Variants in GGTA1 observed in about 807,000 individuals in gnomAD.
The protein encoded by GGTA1 is inactive N-acetyllactosaminide alpha-1,3-galactosyltransferase.
A neutral mutation model predicts 2.6 loss-of-function variants in GGTA1; 5 were observed. The observed-to-expected ratio is 1.92, with a 90% CI of 1.00 to 4.04. GGTA1 has a LOEUF of 4.04. Among genes scored for constraint, GGTA1 ranks in the 30% most tolerant of loss-of-function variants. The pLI is 0.00. For missense variants in GGTA1, 50 were observed against 16.7 expected (o/e 2.99, Z -3.47); for synonymous variants, 17 against 5.0 (o/e 3.38, Z -3.19).
At chr9:121,474,954 G>A (rs937105562) in intron 1 of GGTA1, among the ~76,000 whole-genome samples, 2 of 152,196 alleles carry the variant, frequency 1.3e-5, no homozygotes, top group Non-Finnish European at 2.9e-5. Flanking sequence ...ACTGGCACAG[G>A]CCCTGGCTCC....
rs1446690036 is a variant in GGTA1 at position 121,476,288 on chromosome 9, C to A, written c.-9-8357G>T. The stretch of plus-strand genomic sequence containing the variant: ...AACACGGCTCTGACCAGACCAGCTG[C>A]ACCTCCATTTGCACCCCACCCCACC... On this transcript the variant is annotated intron_variant, in intron 1 of 5. Coordinates refer to ENST00000481799, the MANE Select transcript of GGTA1 (RefSeq NM_001382585.1). The surrounding 1 kb of genome is among the most constrained non-coding windows in gnomAD (Gnocchi z 4.6). 2.0e-5 allele frequency among the ~76,000 whole-genome samples: 3 copies of A among 152,280 alleles called. No individual in the cohort carries two copies. The highest frequency in any genetic ancestry group is 4.4e-5 in the Non-Finnish European group (3 of 68,016).
Position 121,460,151 on chromosome 9 carries a change from C to T in GGTA1, c.251G>A (p.Arg84Lys), listed in dbSNP as rs754707561. Residue 84 changes from arginine to lysine, a missense_variant, in exon 5 of 6, where the codon AGG becomes AAG. By Grantham distance (26) the Arg-to-Lys change is conservative. Transcript: ENST00000481799. ...GCCGAAGCTCTGTTGTGTCATTTTC[C>T]TTCCTTTGGTCTCCTCTCTTCCTTT... is the stretch of plus-strand genomic sequence containing the variant. ...KEKGREETKG[R>K]KMTQQSFGYG... 20 of 456,832 alleles carry T rather than the reference C, an allele frequency of 4.4e-5. No individual in the cohort carries two copies. Among genetic ancestry groups the T allele is most frequent in the Non-Finnish European group, 8.4e-5 (19 of 227,030 alleles). The allele number at this position is 456,832 out of a possible 1,614,324, so 28.3% of individuals were successfully genotyped here. A position where few individuals can be genotyped will look rare whatever the true frequency, so the allele number is the denominator to read the frequency against.
At chr9:121,464,991 A>AAAAAG (rs2064992853) in intron 2 of GGTA1, among the ~76,000 whole-genome samples, 1 of 142,302 alleles carries the variant, frequency 7.0e-6, no homozygotes, top group Non-Finnish European at 1.6e-5. Context: ...AAAGTGGCAA[A>AAAAAG]AAAACAAAAC....
intron 1 of GGTA1, chr9:121,479,206 A>G (rs1273839389): frequency 2.3e-6 from 1 of 432,172 alleles, no homozygotes; most frequent in Non-Finnish European, 4.6e-6. Context: ...GAAGCAAATC[A>G]TTTCACCATC....
chr9:121,480,188 T>C (rs1828612008), intron 1 of GGTA1, among the ~76,000 whole-genome samples: 1 of 151,894 alleles, frequency 6.6e-6, no homozygotes, highest in African/African-American at 2.4e-5. Flanking sequence ...CCCGAGTAGC[T>C]GGGACTACAG....
At chr9:121,460,312 G>A (rs2064949862) in intron 4 of GGTA1, 93 bp from the exon 5 acceptor site, 2 of 440,524 alleles carry the variant, frequency 4.5e-6, no homozygotes, top group Admixed American at 4.9e-5. Flanking sequence ...TGTGTTCCAA[G>A]GCAGATTATG....
rs910451429 is a variant in GGTA1 at position 121,455,343 on chromosome 9, T to C, written c.*494A>G. 6.6e-6 allele frequency: 1 copy of C among 152,304 alleles called. No homozygotes were observed. Among genetic ancestry groups the C allele is most frequent in the African/African-American group, 2.4e-5 (1 of 41,472 alleles). The allele number at this position is 152,304 out of a possible 1,614,324, so 9.4% of individuals were successfully genotyped here. On this transcript the variant is annotated 3_prime_UTR_variant, in exon 6 of 6. Coordinates refer to ENST00000481799, the MANE Select transcript of GGTA1 (RefSeq NM_001382585.1). The stretch of plus-strand genomic sequence containing the variant: ...TTTTAGTAGCTCTAACATAGCCCAC[T>C]AGCTAAGTCTTGTAAATGTGTATAA...
rs2064909607 is a variant in GGTA1 at position 121,456,158 on chromosome 9, C to G, written c.299-317G>C. 2.0e-5 allele frequency among the ~76,000 whole-genome samples: 3 copies of G among 152,044 alleles called. No individual in the cohort carries two copies. The South Asian group carries it at 6.2e-4, about 32-fold the overall frequency. ...AGCTAGTCTTTGATAATGTCAACTGCCAGAGAAGTCCAAGATCACAAAGAT... is the reference window on the plus strand; with the variant it reads ...AGCTAGTCTTTGATAATGTCAACTGGCAGAGAAGTCCAAGATCACAAAGAT... On this transcript the variant is annotated intron_variant, in intron 5 of 5. Transcript: ENST00000481799.
intron 3 of GGTA1, among the ~76,000 whole-genome samples, chr9:121,461,693 A>G (rs527857798): frequency 6.6e-6 from 1 of 152,356 alleles, no homozygotes; most frequent in East Asian, 1.9e-4. Flanking sequence ...TCCTCCAAAA[A>G]GTATAGTTAA....
At chr9:121,477,133 C>T (rs537810496) in intron 1 of GGTA1, among the ~76,000 whole-genome samples, 10 of 152,346 alleles carry the variant, frequency 6.6e-5, no homozygotes, top group African/African-American at 9.6e-5. Context: ...TAGCAAGGAT[C>T]CAGGGCTGAG....
intron 1 of GGTA1, among the ~76,000 whole-genome samples, chr9:121,498,186 TC>T (rs1424632086): frequency 6.6e-6 from 1 of 152,174 alleles, no homozygotes; most frequent in East Asian, 1.9e-4. Flanking sequence ...TAGGTTCCCC[TC>T]CCCTACCATG....
chr9:121,481,164 A>C (rs1284970110), intron 1 of GGTA1, among the ~76,000 whole-genome samples: 2 of 151,574 alleles, frequency 1.3e-5, no homozygotes, highest in Admixed American at 1.3e-4. Context: ...AAAAAAAAAA[A>C]AAAAAAAAAA....
chr9:121,478,623 G>GT (rs532582445), intron 1 of GGTA1, among the ~76,000 whole-genome samples: 80 of 152,264 alleles, frequency 5.3e-4, no homozygotes, highest in African/African-American at 1.8e-3. Context: ...TGCATGGAAG[G>GT]TTGTCTCCAG....
chr9:121,474,640 A>G (rs1400714854), intron 1 of GGTA1, among the ~76,000 whole-genome samples: 3 of 152,150 alleles, frequency 2.0e-5, no homozygotes, highest in Non-Finnish European at 4.4e-5. Flanking sequence ...GGCGAAGTCA[A>G]GGTAATTCGT....
At position 121,455,268 on chromosome 9, in the gene GGTA1, T is replaced by G. The variant is rs1422625925; in HGVS notation, c.*569A>C. ...ACCATTTCTGAACTTAAAACTCTCT[T>G]GTTCGTTACACCTCATTCATTGCAT... On this transcript the variant is annotated 3_prime_UTR_variant, in exon 6 of 6. Transcript: ENST00000481799. The G allele has an allele frequency of 6.6e-6, 1 of 152,254 alleles. No individual in the cohort carries two copies. The highest frequency in any genetic ancestry group is 2.4e-5 in the African/African-American group (1 of 41,468). 9.4% of individuals were successfully genotyped at this position (152,254 alleles called of 1,614,324 possible). A position where few individuals can be genotyped will look rare whatever the true frequency, so the allele number is the denominator to read the frequency against.
At chr9:121,482,274 T>C (rs972466174) in intron 1 of GGTA1, among the ~76,000 whole-genome samples, 24 of 149,926 alleles carry the variant, frequency 1.6e-4, no homozygotes, top group African/African-American at 5.9e-4. Flanking sequence ...TGGAGACCAG[T>C]CTAGGCAATA....
rs539527369 is a variant in GGTA1 at position 121,495,140 on chromosome 9, G to A, written c.-10+4510C>T. The stretch of plus-strand genomic sequence containing the variant: ...TCACTTTGTTGGCCAAGCTGGTCTC[G>A]AACTCCCGACCTCAGGTGATCTGCC... On this transcript the variant is annotated intron_variant, in intron 1 of 5. Transcript: ENST00000481799. 8.2e-4 allele frequency among the ~76,000 whole-genome samples: 124 copies of A among 151,858 alleles called. 1 individual carries two copies. Among genetic ancestry groups the A allele is most frequent in the African/African-American group, 2.9e-3 (119 of 41,464 alleles).
rs532906028 is a variant in GGTA1 at position 121,446,949 on chromosome 9, G to T, written c.*767C>A. The T allele has an allele frequency of 3.3e-5, 5 of 152,280 alleles. No individual in the cohort carries two copies. In the South Asian group the frequency reaches 8.3e-4, roughly 25 times the overall value. 9.4% of individuals were successfully genotyped at this position (152,280 alleles called of 1,614,324 possible). A position where few individuals can be genotyped will look rare whatever the true frequency, so the allele number is the denominator to read the frequency against. ...CAAATTATACTCTTTTGTCTGCCAC[G>T]ATCACTTGACAGTTTTAATATCTGA... On this transcript the variant is annotated 3_prime_UTR_variant and NMD_transcript_variant, in exon 8 of 8. Coordinates refer to the GGTA1 transcript ENST00000481534.
chr9:121,460,678 C>G lies in GGTA1; in HGVS notation c.183-459G>C, dbSNP rs2064953061. On this transcript the variant is annotated intron_variant, in intron 4 of 5. Transcript: ENST00000481799. ...TGGCCAACGTGGTGAAACCCTGTCT[C>G]TACTAAAAATACAAAAATTAGCCGA... is the stretch of plus-strand genomic sequence containing the variant. 2.0e-5 allele frequency among the ~76,000 whole-genome samples: 3 copies of G among 152,202 alleles called. 1 individual carries two copies. The South Asian group carries it at 6.2e-4, about 32-fold the overall frequency.
Sources: allele counts gnomAD v4.1 joint callset (sites outside exome capture counted in the v4.1 genomes callset), GRCh38; gene constraint gnomAD v4.1.1; non-coding constraint Gnocchi (gnomAD v3.1); transcripts MANE v1.5; gene names NCBI Gene and HGNC (gene_info 2026-07-23, HGNC 2026-07-21).